Variants in FHIT observed in about 807,000 individuals in gnomAD.
The protein encoded by FHIT is bis(5'-adenosyl)-triphosphatase.
Under a neutral mutation model 17.9 loss-of-function variants are expected in FHIT, and 19 were observed. The observed-to-expected ratio is 1.06, with a 90% CI of 0.74 to 1.56. The LOEUF (loss-of-function observed/expected upper bound fraction) is 1.56, where lower values mean the gene tolerates loss of function less well. Ranked by LOEUF, FHIT falls within the 40% of genes most tolerant of loss-of-function variation. FHIT has a pLI of 0.00. For missense variants in FHIT, 248 were observed against 189.2 expected, an observed-to-expected ratio of 1.31 and a Z score of -1.82; for synonymous variants, 81 against 69.7, an observed-to-expected ratio of 1.16 and a Z score of -0.81.
intron 5 of FHIT, among the ~76,000 whole-genome samples, chr3:60,047,753 C>T (rs1350599318): frequency 6.6e-6 from 1 of 152,168 alleles, no homozygotes; most frequent in African/African-American, 2.4e-5. Flanking sequence ...AATTATTATT[C>T]CCCACTTCAT....
intron 4 of FHIT, among the ~76,000 whole-genome samples, chr3:60,744,952 T>C (rs1382987290): frequency 6.6e-6 from 1 of 152,080 alleles, no homozygotes; most frequent in Non-Finnish European, 1.5e-5. Context: ...TCCCTGTCCT[T>C]AGAAGTCCAG....
intron 5 of FHIT, among the ~76,000 whole-genome samples, chr3:60,084,919 A>G (rs956208173): frequency 1.3e-5 from 2 of 152,068 alleles, no homozygotes; most frequent in East Asian, 1.9e-4. Context: ...TACTTCAGGC[A>G]TCTTCTGTTA....
At chr3:60,079,219 G>A (rs531909683) in intron 5 of FHIT, among the ~76,000 whole-genome samples, 2 of 152,210 alleles carry the variant, frequency 1.3e-5, no homozygotes, top group South Asian at 4.2e-4. Context: ...AGCAGTTTGG[G>A]GGCACCCGAG....
intron 4 of FHIT, among the ~76,000 whole-genome samples, chr3:60,780,778 C>T (rs782571503): frequency 6.6e-5 from 10 of 152,110 alleles, no homozygotes; most frequent in Non-Finnish European, 1.0e-4. Flanking sequence ...GAGGGGGTCC[C>T]CGAAAAACCT....
intron 5 of FHIT, among the ~76,000 whole-genome samples, chr3:60,122,187 T>C (rs1194620622): frequency 6.6e-6 from 1 of 152,156 alleles, no homozygotes; most frequent in Non-Finnish European, 1.5e-5. Flanking sequence ...GTACTGCTAA[T>C]TACTCTAGAA....
At chr3:60,554,358 A>G (rs915318464) in intron 4 of FHIT, among the ~76,000 whole-genome samples, 1 of 152,216 alleles carries the variant, frequency 6.6e-6, no homozygotes, top group Non-Finnish European at 1.5e-5. Flanking sequence ...GAGGAGAATC[A>G]GAAGTTGAAA....
chr3:60,698,896 A>G (rs2041175460), intron 4 of FHIT, among the ~76,000 whole-genome samples: 2 of 152,200 alleles, frequency 1.3e-5, no homozygotes, highest in Admixed American at 6.5e-5. Context: ...CTATTAGCAC[A>G]TCACCCAGAG....
intron 4 of FHIT, among the ~76,000 whole-genome samples, chr3:60,815,475 G>A (rs1035802831): frequency 2.6e-5 from 4 of 152,014 alleles, no homozygotes; most frequent in East Asian, 3.9e-4. Context: ...TTATCCCAGC[G>A]CCATTTATTA....
At chr3:60,314,949 G>T (rs1235763095) in intron 5 of FHIT, among the ~76,000 whole-genome samples, 1 of 152,098 alleles carries the variant, frequency 6.6e-6, no homozygotes, top group Non-Finnish European at 1.5e-5. Context: ...AATAATAAAA[G>T]AATTCAGCAG....
chr3:59,902,533 G>C (rs923952956), intron 8 of FHIT, among the ~76,000 whole-genome samples: 2 of 151,606 alleles, frequency 1.3e-5, no homozygotes, highest in East Asian at 3.9e-4. Context: ...CCAAGACATG[G>C]CATCAACCTA....
At chr3:59,967,685 G>A (rs530404016) in intron 7 of FHIT, among the ~76,000 whole-genome samples, 2 of 152,206 alleles carry the variant, frequency 1.3e-5, no homozygotes, top group Admixed American at 6.6e-5. Flanking sequence ...GGCTCCCAAA[G>A]GCACCTCAGT....
intron 3 of FHIT, among the ~76,000 whole-genome samples, chr3:60,852,424 G>A (rs1703191062): frequency 6.6e-6 from 1 of 151,968 alleles, no homozygotes; most frequent in African/African-American, 2.4e-5. Context: ...CTGTTTCTCT[G>A]GAGAACCCTG....
chr3:60,376,009 C>T (rs1295560542), intron 5 of FHIT, among the ~76,000 whole-genome samples: 7 of 152,160 alleles, frequency 4.6e-5, no homozygotes, highest in Non-Finnish European at 8.8e-5. Context: ...TAAATAGCTA[C>T]ACGTGGTTAG....
intron 5 of FHIT, among the ~76,000 whole-genome samples, chr3:60,129,049 GTTTGTTTT>G (rs1699400211): frequency 8.3e-6 from 1 of 121,042 alleles, no homozygotes; most frequent in Non-Finnish European, 1.6e-5. Flanking sequence ...TTCCTTTTTT[GTTTGTTTT>G]TTTTTTTTTT....
chr3:60,783,171 C>G (rs147028665), intron 4 of FHIT, among the ~76,000 whole-genome samples: 223 of 151,650 alleles, frequency 1.5e-3, no homozygotes, highest in African/African-American at 5.2e-3. Flanking sequence ...TTTGTAGAAA[C>G]AGTTTCGCCA....
chr3:60,393,253 A>C (rs1379898009), intron 5 of FHIT, among the ~76,000 whole-genome samples: 5 of 152,132 alleles, frequency 3.3e-5, no homozygotes, highest in African/African-American at 1.2e-4. Context: ...AACTTCATGG[A>C]GTTTATGTTG....
intron 2 of FHIT, among the ~76,000 whole-genome samples, chr3:61,198,895 CGATGATGATGATGATGATGAT>C (rs56054524): frequency 1.4e-4 from 21 of 150,586 alleles, no homozygotes; most frequent in African/African-American, 4.2e-4. Context: ...CTGCCGCCGC[CGATGATGATGATGATGATGAT>C]GATGATGATG....
intron 1 of FHIT, among the ~76,000 whole-genome samples, chr3:61,208,073 C>G (rs907205970): frequency 6.6e-6 from 1 of 152,032 alleles, no homozygotes; most frequent in African/African-American, 2.4e-5. Context: ...TCGTTATGTA[C>G]CCCATAGTCA....
intron 7 of FHIT, among the ~76,000 whole-genome samples, chr3:59,971,499 TC>T (rs1708180521): frequency 9.1e-6 from 1 of 110,160 alleles, no homozygotes; most frequent in Non-Finnish European, 2.3e-5. Flanking sequence ...TCATAAACTC[TC>T]TTTTTTTGCT....
Sources: allele counts gnomAD v4.1 joint callset (sites outside exome capture counted in the v4.1 genomes callset), GRCh38; gene constraint gnomAD v4.1.1; transcripts MANE v1.5; gene names NCBI Gene and HGNC (gene_info 2026-07-23, HGNC 2026-07-21).